The following TEAD4 variants were observed in gnomAD, a reference collection of about 807,000 sequenced individuals.
TEAD4 encodes the protein TEA domain transcription factor 4, also known as transcriptional enhancer factor TEF-3.
In TEAD4, 36 loss-of-function variants were observed where a neutral mutation model predicts 52.4. The observed-to-expected ratio is 0.69, with a 90% CI of 0.53 to 0.91. TEAD4 has a LOEUF of 0.91. Ranked by LOEUF, TEAD4 falls within the 40% of genes least tolerant of loss-of-function variation. TEAD4 has a pLI of 0.00. For missense variants in TEAD4, 508 were observed against 583.9 expected, an observed-to-expected ratio of 0.87 and a Z score of 1.34; for synonymous variants, 220 against 231.0, an observed-to-expected ratio of 0.95 and a Z score of 0.43.
intron 3 of TEAD4, among the ~76,000 whole-genome samples, chr12:3,007,520 T>C (rs2098256891): frequency 6.6e-6 from 1 of 152,158 alleles, no homozygotes; most frequent in African/African-American, 2.4e-5. Context: ...GTTAATGAGG[T>C]TTACGCGTTA....
At chr12:3,009,265 T>C (rs1424093652) in intron 3 of TEAD4, among the ~76,000 whole-genome samples, 1 of 152,098 alleles carries the variant, frequency 6.6e-6, no homozygotes, top group East Asian at 1.9e-4. Context: ...CTGCCTCTAC[T>C]TAAAATACAA....
chr12:2,966,568 G>T (rs546002885), intron 2 of TEAD4, among the ~76,000 whole-genome samples: 1 of 151,244 alleles, frequency 6.6e-6, no homozygotes, highest in Non-Finnish European at 1.5e-5. Flanking sequence ...ACGCCACCAT[G>T]CCCAGCTAAT....
intron 2 of TEAD4, among the ~76,000 whole-genome samples, chr12:2,975,347 A>G (rs2098228703): frequency 6.7e-6 from 1 of 149,686 alleles, no homozygotes; most frequent in South Asian, 2.1e-4. Flanking sequence ...TAATGAGTCA[A>G]TATCGGCACA....
chr12:2,973,356 C>T (rs992061909), intron 2 of TEAD4, among the ~76,000 whole-genome samples: 4 of 152,194 alleles, frequency 2.6e-5, no homozygotes, highest in African/African-American at 9.7e-5. Context: ...GCCACCATGC[C>T]CAGCTGTTGT....
At chr12:2,962,164 G>C (rs1002501277) in intron 2 of TEAD4, among the ~76,000 whole-genome samples, 4 of 148,448 alleles carry the variant, frequency 2.7e-5, no homozygotes, top group African/African-American at 9.8e-5. Context: ...TCGCTCTGTC[G>C]CCTAGGCAGT....
intron 3 of TEAD4, among the ~76,000 whole-genome samples, chr12:2,998,614 G>A (rs1354500973): frequency 6.6e-6 from 1 of 151,930 alleles, no homozygotes; most frequent in African/African-American, 2.4e-5. Flanking sequence ...AGCGCTCCCA[G>A]CATCCTGGGC....
At chr12:3,036,114 C>G (rs1591602200) in intron 10 of TEAD4, among the ~76,000 whole-genome samples, 2 of 152,164 alleles carry the variant, frequency 1.3e-5, no homozygotes, top group East Asian at 3.9e-4. Context: ...GTTTCAGAGG[C>G]TGAGCATTGA....
Position 2,959,522 on chromosome 12 carries a change from A to C in TEAD4, c.-123+41A>C, listed in dbSNP as rs2098213392. The stretch of plus-strand genomic sequence containing the variant: ...GCCCGCCGCACCCGCCGGCGCCCTC[A>C]CGGGCCGCGCGCCCCACGCCGCCGC... On this transcript the variant is annotated intron_variant, in intron 1 of 12. Transcript: ENST00000359864. The surrounding 1 kb of genome is among the most constrained non-coding windows in gnomAD (Gnocchi z 5.1). The C allele has an allele frequency of 6.8e-6, 1 of 146,884 alleles. No homozygotes were observed. The highest frequency in any genetic ancestry group is 1.5e-5 in the Non-Finnish European group (1 of 65,970). 9.1% of individuals were successfully genotyped at this position (146,884 alleles called of 1,614,324 possible). A position where few individuals can be genotyped will look rare whatever the true frequency, so the allele number is the denominator to read the frequency against.
At chr12:3,007,248 G>A (rs928979805) in intron 3 of TEAD4, among the ~76,000 whole-genome samples, 6 of 152,216 alleles carry the variant, frequency 3.9e-5, no homozygotes, top group Non-Finnish European at 8.8e-5. Flanking sequence ...CTCAGCTGAT[G>A]GGGGCCAAGG....
At position 3,020,753 on chromosome 12, in the gene TEAD4, C is replaced by T; in HGVS notation, c.703C>T (p.Gln235Ter). The stretch of plus-strand genomic sequence containing the variant: ...GTTGGAGTTCTCTGCCTTCCTGGAG[C>T]AGCAGCAGGACCCGGACACGGTAGG... Residue 235 changes from glutamine to a stop codon, truncating the protein, a stop_gained, in exon 9 of 13, where the codon CAG becomes TAG. Transcript: ENST00000359864. LOFTEE classifies it high-confidence loss of function. 6.2e-7 allele frequency: 1 copy of T among 1,607,034 alleles called. No homozygotes were observed. Among genetic ancestry groups the T allele is most frequent in the Non-Finnish European group, 8.5e-7 (1 of 1,176,482 alleles).
At chr12:2,998,640 G>A (rs886512136) in intron 3 of TEAD4, among the ~76,000 whole-genome samples, 1 of 151,950 alleles carries the variant, frequency 6.6e-6, no homozygotes, top group Non-Finnish European at 1.5e-5. Flanking sequence ...TGATCTTTCG[G>A]TCCTTTCAAC....
intron 2 of TEAD4, among the ~76,000 whole-genome samples, chr12:2,986,907 T>C (rs1480945535): frequency 6.6e-6 from 1 of 152,190 alleles, no homozygotes; most frequent in East Asian, 1.9e-4. Flanking sequence ...TTCAGCTCCA[T>C]TATCATCTTA....
At chr12:3,038,376 G>A (rs1026668597) in intron 11 of TEAD4, among the ~76,000 whole-genome samples, 2 of 152,208 alleles carry the variant, frequency 1.3e-5, no homozygotes, top group South Asian at 2.1e-4. Flanking sequence ...GAGCAGAGCC[G>A]CAGCACAGGC....
At chr12:3,006,583 C>G (rs2098256088) in intron 3 of TEAD4, among the ~76,000 whole-genome samples, 3 of 152,050 alleles carry the variant, frequency 2.0e-5, no homozygotes, top group Admixed American at 2.0e-4. Context: ...ACTTGGGAGG[C>G]TGAGGCAGGA....
chr12:2,986,125 A>G (rs1224575362), intron 2 of TEAD4, among the ~76,000 whole-genome samples: 1 of 151,994 alleles, frequency 6.6e-6, no homozygotes, highest in African/African-American at 2.4e-5. Flanking sequence ...AAAAACAGAG[A>G]CAAACGCACA....
chr12:3,020,623 A>T lies in TEAD4; in HGVS notation c.584-11A>T. The T allele has an allele frequency of 6.6e-7, 1 of 1,522,570 alleles. No individual in the cohort carries two copies. The highest frequency in any genetic ancestry group is 1.3e-5 in the South Asian group (1 of 77,972). The allele number at this position is 1,522,570 out of a possible 1,614,324, so 94.3% of individuals were successfully genotyped here. A position where few individuals can be genotyped will look rare whatever the true frequency, so the allele number is the denominator to read the frequency against. The stretch of plus-strand genomic sequence containing the variant: ...TGACCAGGTTCCATGTGCCTTTCTC[A>T]CTTTGTGCAGGGTTTGAGTCTCCTG... On this transcript the variant is annotated splice_polypyrimidine_tract_variant and intron_variant, in intron 8 of 12. Coordinates refer to ENST00000359864, the MANE Select transcript of TEAD4 (RefSeq NM_003213.4).
chr12:2,959,452 C>T lies in TEAD4; in HGVS notation c.-152C>T, dbSNP rs1436784624. The T allele has an allele frequency of 6.8e-6, 1 of 146,908 alleles. No homozygotes were observed. Among genetic ancestry groups the T allele is most frequent in the Non-Finnish European group, 1.5e-5 (1 of 65,844 alleles). 9.1% of individuals were successfully genotyped at this position (146,908 alleles called of 1,614,324 possible). ...ACTCGAGGCCAGGGGGCGGGAGGGCCGCAGCTCCGGCGCCGCCGCGTCCCG... is the reference window on the plus strand; with the variant it reads ...ACTCGAGGCCAGGGGGCGGGAGGGCTGCAGCTCCGGCGCCGCCGCGTCCCG... On this transcript the variant is annotated 5_prime_UTR_variant, in exon 1 of 13. Coordinates refer to ENST00000359864, the MANE Select transcript of TEAD4 (RefSeq NM_003213.4). The surrounding 1 kb of genome is among the most constrained non-coding windows in gnomAD (Gnocchi z 5.1).
At chr12:3,035,443 C>G (rs941719824) in intron 10 of TEAD4, among the ~76,000 whole-genome samples, 9 of 152,202 alleles carry the variant, frequency 5.9e-5, no homozygotes, top group African/African-American at 2.2e-4. Context: ...CAGAATATGT[C>G]CTGAGCACAC....
In TEAD4 at chr12:3,020,631, C is replaced by T; in HGVS notation, c.584-3C>T. 1 of 1,541,544 alleles carries T rather than the reference C, an allele frequency of 6.5e-7. No individual in the cohort carries two copies. Among genetic ancestry groups the T allele is most frequent in the South Asian group, 1.2e-5 (1 of 80,724 alleles). The stretch of plus-strand genomic sequence containing the variant: ...TTCCATGTGCCTTTCTCACTTTGTG[C>T]AGGGTTTGAGTCTCCTGCAGGGCCC... On this transcript the variant is annotated splice_polypyrimidine_tract_variant and splice_region_variant and intron_variant, in intron 8 of 12. Transcript: ENST00000359864.
Sources: allele counts gnomAD v4.1 joint callset (sites outside exome capture counted in the v4.1 genomes callset), GRCh38; gene constraint gnomAD v4.1.1; non-coding constraint Gnocchi (gnomAD v3.1); transcripts MANE v1.5; gene names NCBI Gene and HGNC (gene_info 2026-07-23, HGNC 2026-07-21).